The following TRMT9B variants were observed in gnomAD, a reference collection of about 807,000 sequenced individuals.
TRMT9B encodes tRNA methyltransferase 9B (putative).
TRMT9B carries 16 observed loss-of-function variants against 11.5 expected under a neutral mutation model. That is an observed-to-expected ratio of 1.39 (90% CI 0.94 to 2.11). The LOEUF is 2.11. Ranked by LOEUF, TRMT9B falls within the 30% of genes most tolerant of loss-of-function variation. The pLI, the probability that TRMT9B is intolerant of heterozygous loss-of-function variation, is 0.00. For synonymous variants in TRMT9B, 274 were observed against 192.4 expected, an observed-to-expected ratio of 1.42 and a Z score of -3.51; for missense variants, 941 against 553.8, an observed-to-expected ratio of 1.70 and a Z score of -7.02.
intron 4 of TRMT9B, among the ~76,000 whole-genome samples, chr8:13,013,215 A>G (rs1279539983): frequency 6.6e-6 from 1 of 152,234 alleles, no homozygotes; most frequent in Non-Finnish European, 1.5e-5. Flanking sequence ...TTTAGAAGTT[A>G]TATTACCATT....
chr8:13,023,806 A>G lies in TRMT9B; in HGVS notation c.*1762A>G, dbSNP rs1255054467. 6.0e-6 allele frequency: 1 copy of G among 166,506 alleles called. No homozygotes were observed. Among genetic ancestry groups the G allele is most frequent in the Non-Finnish European group, 1.5e-5 (1 of 68,080 alleles). The allele number at this position is 166,506 out of a possible 1,614,324, so 10.3% of individuals were successfully genotyped here. On this transcript the variant is annotated 3_prime_UTR_variant, in exon 5 of 5. Transcript: ENST00000524591. ...TGCTATAACTTAAAATAATGATGTT[A>G]CTTTTGAACAAACTTAAAGAAATAT...
chr8:13,015,117 A>T (rs1027090383), intron 4 of TRMT9B, among the ~76,000 whole-genome samples: 2 of 151,660 alleles, frequency 1.3e-5, no homozygotes, highest in Non-Finnish European at 2.9e-5. Context: ...AAGTCAAAGA[A>T]ATCTGTGGAC....
intron 1 of TRMT9B, among the ~76,000 whole-genome samples, chr8:12,967,364 T>C (rs912426611): frequency 7.9e-5 from 12 of 152,126 alleles, no homozygotes; most frequent in Non-Finnish European, 1.6e-4. Context: ...TCTAGAAAAA[T>C]CCTTTTCTGA....
At chr8:12,986,367 A>C (rs569397108) in intron 1 of TRMT9B, among the ~76,000 whole-genome samples, 29 of 152,202 alleles carry the variant, frequency 1.9e-4, no homozygotes, top group Non-Finnish European at 3.7e-4. Context: ...TTCATTGAAC[A>C]TTGTAAAAAT....
intron 1 of TRMT9B, among the ~76,000 whole-genome samples, chr8:12,957,385 G>C (rs971015710): frequency 2.6e-5 from 4 of 152,052 alleles, no homozygotes; most frequent in African/African-American, 9.7e-5. Context: ...GCTCTAATCA[G>C]TGTTCATGAA....
chr8:13,008,731 T>A (rs368059881), intron 3 of TRMT9B, among the ~76,000 whole-genome samples: 30 of 150,366 alleles, frequency 2.0e-4, no homozygotes, highest in African/African-American at 7.0e-4. Context: ...ATCTAGATAA[T>A]TTTTTTTTCT....
intron 1 of TRMT9B, among the ~76,000 whole-genome samples, chr8:12,978,214 C>G (rs887249803): frequency 6.6e-6 from 1 of 152,182 alleles, no homozygotes; most frequent in African/African-American, 2.4e-5. Context: ...TCATCAAACA[C>G]TTCGATTTAT....
At chr8:13,001,886 C>T (rs544593520) in intron 2 of TRMT9B, among the ~76,000 whole-genome samples, 240 of 152,234 alleles carry the variant, frequency 1.6e-3, no homozygotes, top group African/African-American at 5.5e-3. Flanking sequence ...CTTTATCTCT[C>T]GCTTCATCTG....
chr8:13,015,104 A>T (rs995720313), intron 4 of TRMT9B, among the ~76,000 whole-genome samples: 3 of 151,668 alleles, frequency 2.0e-5, no homozygotes, highest in African/African-American at 7.3e-5. Context: ...TAAATAAAAT[A>T]AAAAGTCAAA....
chr8:13,029,758 A>T lies in TRMT9B; in HGVS notation c.*7714A>T, dbSNP rs546603374. 6.6e-6 allele frequency: 1 copy of T among 152,630 alleles called. No individual in the cohort carries two copies. The highest frequency in any genetic ancestry group is 6.5e-5 in the Admixed American group (1 of 15,310). The allele number at this position is 152,630 out of a possible 1,614,324, so 9.5% of individuals were successfully genotyped here. ...AAGACATATTTTGAGATTAATAAAGATGTATTAGATTATCCAAAAGTGGAT... is the reference window on the plus strand; with the variant it reads ...AAGACATATTTTGAGATTAATAAAGTTGTATTAGATTATCCAAAAGTGGAT... On this transcript the variant is annotated 3_prime_UTR_variant, in exon 5 of 5. Coordinates refer to ENST00000524591, the MANE Select transcript of TRMT9B (RefSeq NM_020844.3).
At chr8:12,952,299 G>A (rs1167780089) in intron 1 of TRMT9B, 1 of 373,426 alleles carries the variant, frequency 2.7e-6, no homozygotes, top group Non-Finnish European at 5.6e-6. Context: ...CAGGGAGGAG[G>A]GGGCGCGACA....
intron 2 of TRMT9B, among the ~76,000 whole-genome samples, chr8:12,996,751 A>G (rs1808412365): frequency 6.6e-6 from 1 of 152,172 alleles, no homozygotes; most frequent in African/African-American, 2.4e-5. Flanking sequence ...AAATGTACAA[A>G]TAAATGAATG....
At chr8:12,977,720 A>T (rs1290426466) in intron 1 of TRMT9B, among the ~76,000 whole-genome samples, 1 of 151,168 alleles carries the variant, frequency 6.6e-6, no homozygotes, top group African/African-American at 2.4e-5. Context: ...AAACAAACAA[A>T]CTATATTCTT....
chr8:13,012,374 C>A (rs557834308), intron 3 of TRMT9B: 3 of 630,794 alleles, frequency 4.8e-6, no homozygotes, highest in Non-Finnish European at 4.0e-6. Context: ...GTTGGGAGTT[C>A]GAGACCAACC....
chr8:12,994,181 C>T (rs963067266), intron 2 of TRMT9B, among the ~76,000 whole-genome samples: 54 of 152,164 alleles, frequency 3.5e-4, no homozygotes, highest in African/African-American at 1.3e-3. Context: ...GTATTTTAAT[C>T]TCTAAAACGT....
At chr8:12,973,260 GA>G (rs1803908849) in intron 1 of TRMT9B, among the ~76,000 whole-genome samples, 2 of 152,206 alleles carry the variant, frequency 1.3e-5, no homozygotes, top group Non-Finnish European at 2.9e-5. Flanking sequence ...TATTTAGGAA[GA>G]TTTTTTTTGG....
chr8:13,007,403 G>A (rs1810681680), intron 3 of TRMT9B: 1 of 152,174 alleles, frequency 6.6e-6, no homozygotes, highest in Non-Finnish European at 1.5e-5. Flanking sequence ...TCTCACTCAA[G>A]GCCTACCCAC....
chr8:13,021,087 A>G lies in TRMT9B; in HGVS notation c.408A>G (p.Gln136=), dbSNP rs1456884347. ...CCAGGGTCTTAGTTCCCGGAGGCCA[A>G]CTGATGATTTACGTTTGGGCAATGG... ...EMARVLVPGG[Q]LMIYVWAMEQ... The change falls in exon 5 of 5, where the codon CAA becomes CAG. Residue 136 remains glutamine, a synonymous_variant. Coordinates refer to ENST00000524591, the MANE Select transcript of TRMT9B (RefSeq NM_020844.3). 13 of 1,608,798 alleles carry G rather than the reference A, an allele frequency of 8.1e-6. No homozygotes were observed. Among genetic ancestry groups the G allele is most frequent in the Non-Finnish European group, 1.0e-5 (12 of 1,177,070 alleles).
At chr8:12,966,986 A>G (rs1802908295) in intron 1 of TRMT9B, among the ~76,000 whole-genome samples, 1 of 152,226 alleles carries the variant, frequency 6.6e-6, no homozygotes, top group Admixed American at 6.5e-5. Flanking sequence ...GTAGTACTCT[A>G]GTACTCACCT....
Sources: allele counts gnomAD v4.1 joint callset (sites outside exome capture counted in the v4.1 genomes callset), GRCh38; gene constraint gnomAD v4.1.1; transcripts MANE v1.5; gene names NCBI Gene and HGNC (gene_info 2026-07-23, HGNC 2026-07-21).